Variants in SUZ12 observed in about 807,000 individuals in gnomAD.
SUZ12 encodes polycomb protein SUZ12.
SUZ12 carries 17 observed loss-of-function variants against 87.3 expected under a neutral mutation model. The ratio of observed to expected loss-of-function variants is 0.19; its 90% CI spans 0.13 to 0.29. The LOEUF is 0.29. Ranked by LOEUF, SUZ12 falls within the 10% of genes least tolerant of loss-of-function variation. The probability of loss-of-function intolerance (pLI) is 1.00; values close to 1 mark genes in which losing one functional copy is unlikely to be tolerated. For missense variants in SUZ12, 526 were observed against 912.2 expected (o/e 0.58, Z 5.45); for synonymous variants, 253 against 312.4 (o/e 0.81, Z 2.01).
chr17:31,974,485 C>A (rs1171952140), intron 6 of SUZ12, among the ~76,000 whole-genome samples: 1 of 152,232 alleles, frequency 6.6e-6, no homozygotes, highest in Non-Finnish European at 1.5e-5. Flanking sequence ...CGAGATCGCA[C>A]AACTGCACTC....
chr17:31,988,243 G>T (rs977757121), intron 9 of SUZ12, 77 bp from the exon 10 acceptor site: 1 of 1,384,098 alleles, frequency 7.2e-7, no homozygotes. Context: ...GACTTATAAT[G>T]AATTTTTTTT....
At chr17:31,973,100 T>C (rs548727216) in intron 5 of SUZ12, 46 bp from the exon 6 acceptor site, 1 of 1,491,998 alleles carries the variant, frequency 6.7e-7, no homozygotes, top group Non-Finnish European at 9.0e-7. Context: ...AATACCTTGT[T>C]CATATATTTT....
chr17:31,957,354 C>A (rs1907411221), intron 4 of SUZ12, among the ~76,000 whole-genome samples: 1 of 151,906 alleles, frequency 6.6e-6, no homozygotes. Context: ...ATTCTCCTGT[C>A]TCAGCTTCCT....
chr17:31,977,300 T>G (rs958576781), intron 8 of SUZ12, among the ~76,000 whole-genome samples: 8 of 136,072 alleles, frequency 5.9e-5, no homozygotes, highest in Admixed American at 7.5e-5. Flanking sequence ...TTTTTTAGAA[T>G]AGTGTCTCAC....
At chr17:31,962,192 T>TG (rs1907765816) in intron 4 of SUZ12, among the ~76,000 whole-genome samples, 1 of 152,086 alleles carries the variant, frequency 6.6e-6, no homozygotes, top group East Asian at 1.9e-4. Flanking sequence ...TCGCAGCACT[T>TG]GGGGAGGCTG....
intron 4 of SUZ12, among the ~76,000 whole-genome samples, chr17:31,960,734 C>T (rs1174179274): frequency 1.3e-5 from 2 of 151,932 alleles, no homozygotes; most frequent in Admixed American, 6.6e-5. Context: ...GGTGTCACCA[C>T]GCCTGGCTAA....
intron 5 of SUZ12, among the ~76,000 whole-genome samples, chr17:31,971,174 G>C (rs1486292949): frequency 1.3e-5 from 2 of 152,082 alleles, no homozygotes; most frequent in Non-Finnish European, 2.9e-5. Flanking sequence ...TCTAAAAATA[G>C]CTCTGATAGC....
intron 3 of SUZ12, among the ~76,000 whole-genome samples, chr17:31,941,855 T>C (rs1449449098): frequency 5.5e-5 from 8 of 144,376 alleles, no homozygotes; most frequent in African/African-American, 1.8e-4. Context: ...AGCCTGACCT[T>C]CTTTTTCTTT....
At chr17:31,979,737 A>G (rs1598177108) in intron 8 of SUZ12, among the ~76,000 whole-genome samples, 1 of 152,226 alleles carries the variant, frequency 6.6e-6, no homozygotes, top group South Asian at 2.1e-4. Context: ...CCATTGTAAC[A>G]GTACTTTTTT....
chr17:31,958,717 G>A (rs1309316869), intron 4 of SUZ12, among the ~76,000 whole-genome samples: 1 of 152,204 alleles, frequency 6.6e-6, no homozygotes, highest in Non-Finnish European at 1.5e-5. Context: ...GTGGTGGCAT[G>A]TGCCTGTATT....
In SUZ12 at chr17:31,975,631, T is replaced by G; in HGVS notation, c.741T>G (p.Ser247=). Residue 247 remains serine, a synonymous_variant, in exon 7 of 16, where the codon TCT becomes TCG. Transcript: ENST00000322652. ...FEPSNSHMVK[S]YSLLFRVTRP... The stretch of plus-strand genomic sequence containing the variant: ...CTAGTAACAGCCATATGGTGAAGTC[T>G]TACTCGTTGCTATTTAGAGTGACTC... 6.2e-7 allele frequency: 1 copy of G among 1,614,034 alleles called. No homozygotes were observed. Among genetic ancestry groups the G allele is most frequent in the Non-Finnish European group, 8.5e-7 (1 of 1,179,964 alleles).
chr17:31,986,886 A>G (rs939352304), intron 9 of SUZ12, among the ~76,000 whole-genome samples: 2 of 152,192 alleles, frequency 1.3e-5, no homozygotes, highest in Admixed American at 1.3e-4. Context: ...TTACTTTGTA[A>G]TAATGATATA....
At chr17:31,965,186 G>A (rs1323393795) in intron 4 of SUZ12, among the ~76,000 whole-genome samples, 1 of 151,364 alleles carries the variant, frequency 6.6e-6, no homozygotes, top group African/African-American at 2.4e-5. Flanking sequence ...CTAGTCCTTA[G>A]TGCCCAGCAA....
At chr17:31,944,684 A>G (rs1906514016) in intron 3 of SUZ12, among the ~76,000 whole-genome samples, 3 of 152,160 alleles carry the variant, frequency 2.0e-5, no homozygotes, top group South Asian at 4.1e-4. Flanking sequence ...GGAATAGGCT[A>G]GGCATGGTGT....
intron 3 of SUZ12, among the ~76,000 whole-genome samples, chr17:31,941,571 A>G (rs900962701): frequency 3.6e-5 from 5 of 138,034 alleles, no homozygotes; most frequent in African/African-American, 1.4e-4. Flanking sequence ...TTTTTTTGAA[A>G]CGGAGTCTCG....
intron 9 of SUZ12, among the ~76,000 whole-genome samples, chr17:31,985,764 G>A (rs1415884584): frequency 2.0e-5 from 3 of 151,884 alleles, no homozygotes; most frequent in African/African-American, 7.3e-5. Flanking sequence ...CCGGGTTCAA[G>A]CGATTCTCCA....
intron 4 of SUZ12, among the ~76,000 whole-genome samples, chr17:31,957,403 A>C (rs1907415721): frequency 6.7e-6 from 1 of 149,966 alleles, no homozygotes; most frequent in Non-Finnish European, 1.5e-5. Context: ...CCATACCCGG[A>C]TAATTTTTGT....
Position 31,993,347 on chromosome 17 carries a change from A to G in SUZ12, c.1293+14A>G, listed in dbSNP as rs1175769817. On this transcript the variant is annotated intron_variant, in intron 11 of 15. Transcript: ENST00000322652. ...ATATTTTATCAGGTAAACATAGCTG[A>G]CCCTTCTTAAAGTAATTATGAAATG... is the stretch of plus-strand genomic sequence containing the variant. 1 of 1,471,940 alleles carries G rather than the reference A, an allele frequency of 6.8e-7. No individual in the cohort carries two copies. Among genetic ancestry groups the G allele is most frequent in the Admixed American group, 2.1e-5 (1 of 46,798 alleles). The allele number at this position is 1,471,940 out of a possible 1,614,324, so 91.2% of individuals were successfully genotyped here. A position where few individuals can be genotyped will look rare whatever the true frequency, so the allele number is the denominator to read the frequency against.
chr17:31,965,550 A>G (rs1159182983), intron 4 of SUZ12: 2 of 152,226 alleles, frequency 1.3e-5, no homozygotes, highest in Non-Finnish European at 2.9e-5. Flanking sequence ...ACAGTAAATT[A>G]TAGATCTATA....
Sources: allele counts gnomAD v4.1 joint callset (sites outside exome capture counted in the v4.1 genomes callset), GRCh38; gene constraint gnomAD v4.1.1; transcripts MANE v1.5; gene names NCBI Gene and HGNC (gene_info 2026-07-23, HGNC 2026-07-21).